The following ANKRD55 variants were observed in gnomAD, a reference collection of about 807,000 sequenced individuals.
ANKRD55 encodes ankyrin repeat domain-containing protein 55.
In ANKRD55, 41 loss-of-function variants were observed where a neutral mutation model predicts 60.6. The ratio of observed to expected loss-of-function variants is 0.68; its 90% CI spans 0.53 to 0.88. ANKRD55 has a LOEUF of 0.88. Ranked by LOEUF, ANKRD55 falls within the 40% of genes least tolerant of loss-of-function variation. The probability of loss-of-function intolerance (pLI) is 0.00; values close to 1 mark genes in which losing one functional copy is unlikely to be tolerated. For synonymous variants in ANKRD55, 264 were observed against 290.3 expected, an observed-to-expected ratio of 0.91 and a Z score of 0.92; for missense variants, 732 against 767.6, an observed-to-expected ratio of 0.95 and a Z score of 0.55.
At position 56,219,112 on chromosome 5, in the gene ANKRD55, A is replaced by C. The variant is rs191752903; in HGVS notation, c.58+13744T>G. Among the ~76,000 whole-genome samples the C allele has an allele frequency of 9.3e-4, 142 of 151,960 alleles. 3 individuals are homozygous for C. The Middle Eastern group carries it at 0.027, about 29-fold the overall frequency. On this transcript the variant is annotated intron_variant, in intron 2 of 11. Transcript: ENST00000341048. ...ACATGGCAAAAACCTGTCTCCACTAAAAATACAAAAATTAGCCAGGCATGG... is the reference window on the plus strand; with the variant it reads ...ACATGGCAAAAACCTGTCTCCACTACAAATACAAAAATTAGCCAGGCATGG...
chr5:56,151,744 C>T (rs577662615), intron 6 of ANKRD55, among the ~76,000 whole-genome samples: 3 of 150,902 alleles, frequency 2.0e-5, no homozygotes, highest in East Asian at 2.0e-4. Flanking sequence ...ACCCAAGAGG[C>T]GGAGGTTGCA....
intron 2 of ANKRD55, chr5:56,193,111 T>C: frequency 2.9e-6 from 2 of 693,860 alleles, no homozygotes; most frequent in South Asian, 3.4e-5. Flanking sequence ...AATATGATTC[T>C]AAAGAACACA....
intron 2 of ANKRD55, among the ~76,000 whole-genome samples, chr5:56,188,875 A>C (rs1282433453): frequency 6.6e-6 from 1 of 152,182 alleles, no homozygotes; most frequent in Non-Finnish European, 1.5e-5. Flanking sequence ...TAGCTGGAAA[A>C]TTAGCTCTAT....
intron 7 of ANKRD55, among the ~76,000 whole-genome samples, chr5:56,135,973 TTAAA>T (rs1244610518): frequency 2.0e-5 from 3 of 151,986 alleles, no homozygotes; most frequent in African/African-American, 7.3e-5. Context: ...CCCCCCAAAA[TTAAA>T]TAGTTAGGTA....
intron 2 of ANKRD55, among the ~76,000 whole-genome samples, chr5:56,190,604 G>A (rs1471817393): frequency 6.6e-6 from 1 of 152,100 alleles, no homozygotes; most frequent in Non-Finnish European, 1.5e-5. Context: ...GTTTCCTGCT[G>A]CTATAACACA....
chr5:56,188,956 G>A (rs1048111915), intron 2 of ANKRD55, among the ~76,000 whole-genome samples: 1 of 152,084 alleles, frequency 6.6e-6, no homozygotes, highest in African/African-American at 2.4e-5. Context: ...GCCATATTGA[G>A]GGCAGTGATA....
At chr5:56,169,773 A>C (rs1419166894) in intron 5 of ANKRD55, among the ~76,000 whole-genome samples, 1 of 152,196 alleles carries the variant, frequency 6.6e-6, no homozygotes, top group Non-Finnish European at 1.5e-5. Flanking sequence ...TGAAGTATAT[A>C]GAATATACTC....
chr5:56,124,328 C>A (rs1410627085), intron 8 of ANKRD55, among the ~76,000 whole-genome samples: 1 of 152,030 alleles, frequency 6.6e-6, no homozygotes. Context: ...CCTAGTTCTT[C>A]ATATTTTCCT....
At chr5:56,142,241 T>C (rs964193377) in intron 7 of ANKRD55, among the ~76,000 whole-genome samples, 3 of 152,008 alleles carry the variant, frequency 2.0e-5, no homozygotes, top group Admixed American at 6.6e-5. Flanking sequence ...GGCAGGAGAA[T>C]TGCTTGAACC....
chr5:56,122,989 C>T (rs900628952), intron 8 of ANKRD55, among the ~76,000 whole-genome samples: 2 of 152,032 alleles, frequency 1.3e-5, no homozygotes, highest in African/African-American at 4.8e-5. Context: ...TGCTCTCGAA[C>T]TCCTGGGCTC....
At chr5:56,189,400 C>A (rs1759042660) in intron 2 of ANKRD55, among the ~76,000 whole-genome samples, 1 of 151,874 alleles carries the variant, frequency 6.6e-6, no homozygotes, top group Non-Finnish European at 1.5e-5. Flanking sequence ...GCATTATGTC[C>A]ATTCACACTG....
chr5:56,181,965 A>G (rs1373575615), intron 3 of ANKRD55, among the ~76,000 whole-genome samples: 1 of 151,670 alleles, frequency 6.6e-6, no homozygotes, highest in Non-Finnish European at 1.5e-5. Flanking sequence ...ATTCATGAAG[A>G]CCACTGGTCT....
At chr5:56,231,420 C>T (rs1760248622) in intron 2 of ANKRD55, among the ~76,000 whole-genome samples, 1 of 152,176 alleles carries the variant, frequency 6.6e-6, no homozygotes, top group South Asian at 2.1e-4. Context: ...AGTCCCAGCT[C>T]CCTCCAATTA....
intron 9 of ANKRD55, among the ~76,000 whole-genome samples, chr5:56,113,753 A>G (rs577609240): frequency 6.6e-6 from 1 of 152,056 alleles, no homozygotes; most frequent in African/African-American, 2.4e-5. Context: ...GAGTTCAAGT[A>G]TTTCTCGTGC....
chr5:56,182,396 T>C (rs985859190), intron 3 of ANKRD55, among the ~76,000 whole-genome samples: 1 of 152,224 alleles, frequency 6.6e-6, no homozygotes, highest in Non-Finnish European at 1.5e-5. Flanking sequence ...TTTACCATTG[T>C]GATGATTGTA....
intron 2 of ANKRD55, among the ~76,000 whole-genome samples, chr5:56,200,311 GT>G (rs569271279): frequency 2.4e-4 from 37 of 151,078 alleles, no homozygotes; most frequent in African/African-American, 6.8e-4. Flanking sequence ...ACTCTAGTAG[GT>G]TTTTTTTTAA....
intron 6 of ANKRD55, among the ~76,000 whole-genome samples, chr5:56,159,278 A>G (rs560610512): frequency 6.6e-6 from 1 of 152,306 alleles, no homozygotes; most frequent in Admixed American, 6.5e-5. Flanking sequence ...CTTGACCAAC[A>G]CGGAGAAACC....
intron 8 of ANKRD55, among the ~76,000 whole-genome samples, chr5:56,117,650 C>T (rs1337697495): frequency 6.6e-6 from 1 of 152,074 alleles, no homozygotes; most frequent in Non-Finnish European, 1.5e-5. Flanking sequence ...GACGGGGTTT[C>T]ACTATGTTGG....
chr5:56,155,358 G>A (rs1240591936), intron 6 of ANKRD55, among the ~76,000 whole-genome samples: 1 of 152,182 alleles, frequency 6.6e-6, no homozygotes, highest in Non-Finnish European at 1.5e-5. Flanking sequence ...AAAGATGAAA[G>A]ATGAGAACAG....
Sources: gnomAD v4.1 joint callset for allele counts (sites outside exome capture counted in the v4.1 genomes callset) on GRCh38, gnomAD v4.1.1 for gene constraint, MANE v1.5 for transcripts, NCBI Gene and HGNC (gene_info 2026-07-23, HGNC 2026-07-21) for gene names.